The following DPP6 variants were observed in gnomAD, a reference collection of about 807,000 sequenced individuals.
DPP6 encodes the protein A-type potassium channel modulatory protein DPP6.
DPP6 carries 69 observed loss-of-function variants against 122.6 expected under a neutral mutation model. The observed-to-expected ratio is 0.56, with a 90% CI of 0.46 to 0.69. The LOEUF is 0.69. Among genes scored for constraint, DPP6 ranks in the 30% least tolerant of loss-of-function variants. The probability of loss-of-function intolerance (pLI) is 0.00; values close to 1 mark genes in which losing one functional copy is unlikely to be tolerated. For synonymous variants in DPP6, 418 were observed against 433.1 expected (o/e 0.97, Z 0.43); for missense variants, 928 against 1,116.9 (o/e 0.83, Z 2.41).
At chr7:154,126,811 G>A (rs1563224593) in intron 1 of DPP6, among the ~76,000 whole-genome samples, 2 of 152,132 alleles carry the variant, frequency 1.3e-5, no homozygotes, top group Non-Finnish European at 2.9e-5. Context: ...TAGCTCATGG[G>A]GCCAGCCCCA....
At chr7:154,595,724 C>T (rs1397246175) in intron 5 of DPP6, among the ~76,000 whole-genome samples, 1 of 152,228 alleles carries the variant, frequency 6.6e-6, no homozygotes, top group African/African-American at 2.4e-5. Context: ...GCAAAGGAGG[C>T]TGTGCCTCAC....
At chr7:154,022,808 G>A (rs1479983881) in intron 1 of DPP6, among the ~76,000 whole-genome samples, 1 of 152,232 alleles carries the variant, frequency 6.6e-6, no homozygotes, top group Non-Finnish European at 1.5e-5. Flanking sequence ...GCAATTGAAA[G>A]AAATCTTAGT....
At position 154,446,313 on chromosome 7, in the gene DPP6, A is replaced by G. The variant is rs1329278653; in HGVS notation, c.343A>G (p.Ile115Val). The G allele has an allele frequency of 6.2e-7, 1 of 1,612,254 alleles. No homozygotes were observed. Among genetic ancestry groups the G allele is most frequent in the Non-Finnish European group, 8.5e-7 (1 of 1,178,856 alleles). ...CTGCTCCTTGATCGTCACCTCGGTCATACTTCTGACACCAGGTACTGTATT... is the reference window on the plus strand; with the variant it reads ...CTGCTCCTTGATCGTCACCTCGGTCGTACTTCTGACACCAGGTACTGTATT... ...VICSLIVTSV[I>V]LLTPAEDNSL... The change falls in exon 2 of 26, where the codon ATA becomes GTA. Residue 115 changes from isoleucine (I) to valine (V), a missense_variant. By Grantham distance (29) the Ile-to-Val change is conservative. Transcript: ENST00000377770.
chr7:154,350,007 T>C (rs1328518436), intron 1 of DPP6, among the ~76,000 whole-genome samples: 2 of 152,194 alleles, frequency 1.3e-5, no homozygotes, highest in African/African-American at 4.8e-5. Flanking sequence ...TGGCCTTGTC[T>C]CTTAACTTAG....
In DPP6 at chr7:154,877,428, CA is replaced by C. The variant is rs1804976613; in HGVS notation, c.2078+1329del. Among the ~76,000 whole-genome samples the C allele has an allele frequency of 7.1e-6, 1 of 141,500 alleles. No individual in the cohort carries two copies. The highest frequency in any genetic ancestry group is 2.5e-5 in the African/African-American group (1 of 39,676). The allele number at this position is 141,500 out of a possible 152,430, so 92.8% of individuals were successfully genotyped here. A position where few individuals can be genotyped will look rare whatever the true frequency, so the allele number is the denominator to read the frequency against. ...GTGCACACACACACACACACACACA[CA>C]CACCTCTCAAATAAGGAACTATATT... On this transcript the variant is annotated intron_variant, in intron 20 of 25. Coordinates refer to ENST00000377770, the MANE Select transcript of DPP6 (RefSeq NM_130797.4). The surrounding 1 kb of genome is among the most constrained non-coding windows in gnomAD (Gnocchi z 5.2).
chr7:154,418,591 C>T (rs554681291), intron 1 of DPP6, among the ~76,000 whole-genome samples: 1 of 152,258 alleles, frequency 6.6e-6, no homozygotes, highest in South Asian at 2.1e-4. Context: ...AAACACAGCT[C>T]TATCTGTGAG....
chr7:154,676,108 T>G (rs1838880741), intron 7 of DPP6, among the ~76,000 whole-genome samples: 1 of 144,922 alleles, frequency 6.9e-6, no homozygotes, highest in African/African-American at 2.6e-5. Context: ...TGTTCCGGGC[T>G]ACAGCCTTGC....
intron 1 of DPP6, among the ~76,000 whole-genome samples, chr7:154,332,469 C>T (rs1809035155): frequency 6.6e-6 from 1 of 152,234 alleles, no homozygotes; most frequent in Non-Finnish European, 1.5e-5. Context: ...TGAGATCCCG[C>T]GTCTCTCACG....
chr7:154,189,814 G>A (rs1296535455), intron 1 of DPP6, among the ~76,000 whole-genome samples: 1 of 152,088 alleles, frequency 6.6e-6, no homozygotes, highest in Non-Finnish European at 1.5e-5. Context: ...TCAGCTCTGG[G>A]AGGAAAACAA....
At chr7:154,019,938 GT>G (rs1373917958) in intron 1 of DPP6, among the ~76,000 whole-genome samples, 1 of 151,956 alleles carries the variant, frequency 6.6e-6, no homozygotes, top group Non-Finnish European at 1.5e-5. Context: ...ATTCACTTTG[GT>G]GTCTGCAGGG....
At chr7:154,360,740 A>G (rs551664703) in intron 1 of DPP6, among the ~76,000 whole-genome samples, 4 of 152,194 alleles carry the variant, frequency 2.6e-5, no homozygotes, top group Non-Finnish European at 4.4e-5. Context: ...ATTCAATTAT[A>G]TGAGATAAAT....
chr7:154,113,412 T>TATATATATATATAC (rs1472172445), intron 1 of DPP6, among the ~76,000 whole-genome samples: 25 of 141,778 alleles, frequency 1.8e-4, no homozygotes, highest in African/African-American at 5.4e-4. Context: ...TATATATATA[T>TATATATATATATAC]ACACACACAC....
the DPP6 span, among the ~76,000 whole-genome samples, chr7:153,815,271 C>T: frequency 2.0e-5 from 3 of 152,126 alleles, no homozygotes; most frequent in African/African-American, 4.8e-5. Flanking sequence ...TCTCAGGATA[C>T]AAAATCAATG....
rs555380045 is a variant in DPP6 at position 154,786,311 on chromosome 7, C to A, written c.1137-7768C>A. ...GAGGGTATAGCTCCATTGTTTCCAG[C>A]ATTTTGAGATGCTAAAGATAAACCT... On this transcript the variant is annotated intron_variant, in intron 10 of 25. Coordinates refer to ENST00000377770, the MANE Select transcript of DPP6 (RefSeq NM_130797.4). 1.1e-4 allele frequency among the ~76,000 whole-genome samples: 17 copies of A among 152,268 alleles called. No individual in the cohort carries two copies. In the South Asian group the frequency reaches 3.5e-3, roughly 32 times the overall value.
chr7:154,081,905 C>T (rs1473829921), intron 1 of DPP6, among the ~76,000 whole-genome samples: 5 of 152,132 alleles, frequency 3.3e-5, no homozygotes, highest in African/African-American at 9.7e-5. Context: ...TGGATGTTTA[C>T]TTTAAGGTCA....
chr7:154,016,196 C>T (rs1798404414), intron 1 of DPP6, among the ~76,000 whole-genome samples: 1 of 152,164 alleles, frequency 6.6e-6, no homozygotes. Flanking sequence ...CACACAATCT[C>T]TTTGTCTTGT....
rs773930480 is a variant in DPP6 at position 154,345,454 on chromosome 7, T to G, written c.244-100760T>G. Among the ~76,000 whole-genome samples, 5 of 152,220 alleles carry G rather than the reference T, an allele frequency of 3.3e-5. 1 individual carries two copies. The highest frequency in any genetic ancestry group is 6.5e-5 in the Admixed American group (1 of 15,288). On this transcript the variant is annotated intron_variant, in intron 1 of 25. Coordinates refer to ENST00000377770, the MANE Select transcript of DPP6 (RefSeq NM_130797.4). ...CTGGTCAATAGGAAGTGCATGTCAT[T>G]GCAATTCTTATTTGCAGTCCATTTT...
chr7:154,454,980 G>A (rs911391884), intron 2 of DPP6, among the ~76,000 whole-genome samples: 5 of 152,070 alleles, frequency 3.3e-5, no homozygotes, highest in Non-Finnish European at 7.3e-5. Context: ...GCAGGTGTCC[G>A]TATTGTTTCA....
At chr7:153,845,525 GA>G in the DPP6 span, among the ~76,000 whole-genome samples, 2 of 151,380 alleles carry the variant, frequency 1.3e-5, no homozygotes, top group Non-Finnish European at 3.0e-5. Flanking sequence ...CATAAATCTA[GA>G]TTTTTTTTAC....
Sources: gnomAD v4.1 joint callset for allele counts (sites outside exome capture counted in the v4.1 genomes callset) on GRCh38, gnomAD v4.1.1 for gene constraint, Gnocchi (gnomAD v3.1) non-coding constraint, MANE v1.5 for transcripts, NCBI Gene and HGNC (gene_info 2026-07-23, HGNC 2026-07-21) for gene names.